COLGALT2: variants seen among roughly 807,000 people sequenced by gnomAD.
COLGALT2 encodes procollagen galactosyltransferase 2.
In COLGALT2, 49 loss-of-function variants were observed where a neutral mutation model predicts 73.4. The observed-to-expected ratio is 0.67, with a 90% confidence interval of 0.53 to 0.85. The LOEUF is 0.85. Ranked by LOEUF, COLGALT2 falls within the 40% of genes least tolerant of loss-of-function variation. COLGALT2 has a pLI of 0.00. For synonymous variants in COLGALT2, 295 were observed against 307.6 expected, an observed-to-expected ratio of 0.96 and a Z score of 0.43; for missense variants, 722 against 790.2, an observed-to-expected ratio of 0.91 and a Z score of 1.03.
intron 4 of COLGALT2, among the ~76,000 whole-genome samples, chr1:183,970,311 T>C (rs1168539425): frequency 2.0e-5 from 3 of 152,178 alleles, no homozygotes; most frequent in Non-Finnish European, 4.4e-5. Flanking sequence ...TTGTGGAAGC[T>C]TTGCCAGGCA....
At chr1:184,005,377 T>G (rs968791870) in intron 1 of COLGALT2, among the ~76,000 whole-genome samples, 1 of 152,214 alleles carries the variant, frequency 6.6e-6, no homozygotes, top group African/African-American at 2.4e-5. Flanking sequence ...GTTGCTAAGT[T>G]GCTCTCTTGC....
Position 183,969,132 on chromosome 1 carries a change from T to C in COLGALT2, c.832+137A>G, listed in dbSNP as rs1558318749. ...GACAGCAACATAGAGGGTGCTGGTA[T>C]GGTTATTGCAGACAATTTACTGCCT... is the stretch of plus-strand genomic sequence containing the variant. On this transcript the variant is annotated intron_variant, in intron 5 of 11. Transcript: ENST00000361927. The C allele has an allele frequency of 4.5e-6, 3 of 660,150 alleles. No individual in the cohort carries two copies. In the South Asian group the frequency reaches 6.4e-5, roughly 14 times the overall value. 40.9% of individuals were successfully genotyped at this position (660,150 alleles called of 1,614,324 possible). A position where few individuals can be genotyped will look rare whatever the true frequency, so the allele number is the denominator to read the frequency against.
intron 10 of COLGALT2, among the ~76,000 whole-genome samples, chr1:183,941,146 A>G (rs1670097010): frequency 6.6e-6 from 1 of 152,250 alleles, no homozygotes; most frequent in Non-Finnish European, 1.5e-5. Flanking sequence ...AAAAAAGGCC[A>G]GATGGGAGAA....
At chr1:183,933,211 C>G (rs575841982), downstream of COLGALT2, among the ~76,000 whole-genome samples, 1 of 152,314 alleles carries the variant, frequency 6.6e-6, no homozygotes, top group African/African-American at 2.4e-5. Flanking sequence ...TCTTTCTTGG[C>G]CTGTGCACTG....
At chr1:183,944,110 A>G (rs1034831748) in intron 10 of COLGALT2, 86 bp downstream of exon 10, 12 of 1,412,148 alleles carry the variant, frequency 8.5e-6, no homozygotes, top group Non-Finnish European at 1.1e-5. Context: ...TGTATCTCCT[A>G]CTGGCTGTGG....
In COLGALT2 at chr1:184,037,378, G is replaced by A. The variant is rs1649725565; in HGVS notation, c.-21C>T. On this transcript the variant is annotated 5_prime_UTR_variant, in exon 1 of 12. Transcript: ENST00000361927. ...GCCATGTTCCGGGCCGAGGCGGGCG[G>A]CGGGGAAGTCCTGGCGCGAGCGCCC... The A allele has an allele frequency of 1.4e-6, 2 of 1,392,340 alleles. No homozygotes were observed. Among genetic ancestry groups the A allele is most frequent in the Admixed American group, 6.0e-5 (2 of 33,106 alleles). The allele number at this position is 1,392,340 out of a possible 1,614,324, so 86.2% of individuals were successfully genotyped here.
At chr1:184,036,537 C>T (rs1388589657) in intron 1 of COLGALT2, among the ~76,000 whole-genome samples, 6 of 151,788 alleles carry the variant, frequency 4.0e-5, no homozygotes, top group African/African-American at 1.2e-4. Context: ...AGGTCCAGGT[C>T]CCCCTAGGAG....
intron 1 of COLGALT2, among the ~76,000 whole-genome samples, chr1:184,033,774 T>C (rs1478488091): frequency 6.6e-6 from 1 of 152,220 alleles, no homozygotes; most frequent in Admixed American, 6.5e-5. Flanking sequence ...GGTCTCTCAC[T>C]GACCCATCTG....
Position 184,037,161 on chromosome 1 carries a change from T to C in COLGALT2, c.197A>G (p.His66Arg), listed in dbSNP as rs1649711379. 1.2e-6 allele frequency: 2 copies of C among 1,603,146 alleles called. No homozygotes were observed. Among genetic ancestry groups the C allele is most frequent in the Non-Finnish European group, 8.5e-7 (1 of 1,176,502 alleles). ...GCAGCCGAGGAAGTGCGGCAGCGTG[T>C]GCGCCGCGTTGCGGGCGAGGACCGC... is the stretch of plus-strand genomic sequence containing the variant. ...LVAVLARNAA[H>R]TLPHFLGCLE... Residue 66 changes from histidine (H) to arginine (R), a missense_variant, in exon 1 of 12, where the codon CAC (histidine) becomes CGC (arginine). Transcript: ENST00000361927.
At chr1:184,007,751 G>A (rs1189057299) in intron 1 of COLGALT2, among the ~76,000 whole-genome samples, 2 of 152,158 alleles carry the variant, frequency 1.3e-5, no homozygotes, top group Non-Finnish European at 2.9e-5. Context: ...ATGGCCCCCA[G>A]GGTCCTCAAG....
At chr1:184,018,711 G>A (rs1649083576) in intron 1 of COLGALT2, among the ~76,000 whole-genome samples, 1 of 152,026 alleles carries the variant, frequency 6.6e-6, no homozygotes, top group African/African-American at 2.4e-5. Context: ...GAAAGCATGA[G>A]GTATTTTAGA....
At chr1:184,024,553 T>C (rs1649274123) in intron 1 of COLGALT2, among the ~76,000 whole-genome samples, 3 of 152,080 alleles carry the variant, frequency 2.0e-5, no homozygotes, top group East Asian at 1.9e-4. Context: ...GGTTTCACCA[T>C]GTTGGTCAGA....
intron 1 of COLGALT2, among the ~76,000 whole-genome samples, chr1:184,011,749 A>G (rs1340049405): frequency 6.6e-6 from 1 of 152,176 alleles, no homozygotes; most frequent in Non-Finnish European, 1.5e-5. Context: ...GATGGTGTAA[A>G]CCCTATATGT....
chr1:183,941,131 G>T (rs980838382), intron 10 of COLGALT2, among the ~76,000 whole-genome samples: 2 of 152,192 alleles, frequency 1.3e-5, no homozygotes, highest in Non-Finnish European at 2.9e-5. Flanking sequence ...GGTTGGAAAG[G>T]CACAAAAAAA....
At chr1:183,955,885 A>G (rs947483008) in intron 6 of COLGALT2, among the ~76,000 whole-genome samples, 4 of 152,138 alleles carry the variant, frequency 2.6e-5, no homozygotes, top group Non-Finnish European at 5.9e-5. Context: ...TTGCCCTTGA[A>G]GTTACTCAGG....
At chr1:183,953,267 G>A (rs1670448999) in intron 7 of COLGALT2, among the ~76,000 whole-genome samples, 1 of 152,146 alleles carries the variant, frequency 6.6e-6, no homozygotes, top group South Asian at 2.1e-4. Context: ...CCCCTGAAAA[G>A]CCCTTTTTCT....
At chr1:184,033,037 A>G (rs184497557) in intron 1 of COLGALT2, among the ~76,000 whole-genome samples, 21 of 152,302 alleles carry the variant, frequency 1.4e-4, no homozygotes, top group African/African-American at 5.1e-4. Flanking sequence ...ACTTTTCAAA[A>G]CTCTGCCAAA....
rs781540321 is a variant in COLGALT2, at chr1:183,959,728, C to T, written c.952+4173G>A. Among the ~76,000 whole-genome samples, 21 of 152,074 alleles carry T rather than the reference C, an allele frequency of 1.4e-4. 1 individual carries two copies. The highest frequency in any genetic ancestry group is 6.6e-4 in the Admixed American group (10 of 15,248). On this transcript the variant is annotated intron_variant, in intron 6 of 11. Coordinates refer to ENST00000361927, the MANE Select transcript of COLGALT2 (RefSeq NM_015101.4). ...TTCAGGCCATGCCCCCTCTGCCCCACCCCATCTTCCACGGATTCCCATTAC... is the reference window on the plus strand; with the variant it reads ...TTCAGGCCATGCCCCCTCTGCCCCATCCCATCTTCCACGGATTCCCATTAC...
chr1:183,948,199 A>T (rs938170432), intron 8 of COLGALT2, among the ~76,000 whole-genome samples: 1 of 152,176 alleles, frequency 6.6e-6, no homozygotes, highest in African/African-American at 2.4e-5. Flanking sequence ...TTCCAAAAAA[A>T]AAGAGGAGGA....
Sources: allele counts gnomAD v4.1 joint callset (sites outside exome capture counted in the v4.1 genomes callset), GRCh38; gene constraint gnomAD v4.1.1; transcripts MANE v1.5; gene names NCBI Gene and HGNC (gene_info 2026-07-23, HGNC 2026-07-21).